AHR: variants seen among roughly 807,000 people sequenced by gnomAD.
The protein encoded by AHR is aryl hydrocarbon receptor, also known as AH-receptor.
A neutral mutation model predicts 86.8 loss-of-function variants in AHR; 40 were observed. The ratio of observed to expected loss-of-function variants is 0.46; its 90% confidence interval spans 0.36 to 0.60. AHR has a LOEUF of 0.60. AHR is among the 20% of genes least tolerant of loss of function. AHR has a pLI of 0.00. For missense variants in AHR, 1,001 were observed against 1,011.6 expected (o/e 0.99, Z 0.14); for synonymous variants, 398 against 354.9 (o/e 1.12, Z -1.37).
chr7:17,313,786 TTAAA>T (rs1470368246), intron 2 of AHR, among the ~76,000 whole-genome samples: 6 of 152,112 alleles, frequency 3.9e-5, no homozygotes, highest in Admixed American at 6.6e-5. Flanking sequence ...TTTTAAAAAT[TTAAA>T]TAACAATGGT....
In AHR at chr7:17,298,662, G is replaced by T. The variant is rs1481711946; in HGVS notation, c.-603G>T. The T allele has an allele frequency of 7.6e-6, 3 of 394,444 alleles. No homozygotes were observed. The highest frequency in any genetic ancestry group is 1.3e-5 in the Non-Finnish European group (3 of 223,970). 24.4% of individuals were successfully genotyped at this position (394,444 alleles called of 1,614,324 possible). A position where few individuals can be genotyped will look rare whatever the true frequency, so the allele number is the denominator to read the frequency against. ...GCGGCGGCGGGAGGCAGTGGCTGGG[G>T]AGTCCCGTCGACGCTCTGTTCCGAG... On this transcript the variant is annotated 5_prime_UTR_variant, in exon 1 of 11. Coordinates refer to ENST00000242057, the MANE Select transcript of AHR (RefSeq NM_001621.5).
rs139858921 is a variant in AHR at position 17,324,700 on chromosome 7, G to T, written c.360+2093G>T. Among the ~76,000 whole-genome samples, 121 of 152,008 alleles carry T rather than the reference G, an allele frequency of 8.0e-4. 2 individuals are homozygous for T. The East Asian group carries it at 0.022, about 27-fold the overall frequency. On this transcript the variant is annotated intron_variant, in intron 3 of 10. Transcript: ENST00000242057. The stretch of plus-strand genomic sequence containing the variant: ...GCCTGTAATCCTAGATACCCAGGAG[G>T]CTGAGGCCCGAGAATCGCTTGAAGC...
rs530047603 is a variant in AHR at position 17,298,768 on chromosome 7, C to G, written c.-497C>G. ...CTGGGAGCAGCCGGGACTGGTGGCCCGCGCCCGAGCTCCGCAGGCGGGAAG... is the reference window on the plus strand; with the variant it reads ...CTGGGAGCAGCCGGGACTGGTGGCCGGCGCCCGAGCTCCGCAGGCGGGAAG... On this transcript the variant is annotated 5_prime_UTR_variant, in exon 1 of 11. Coordinates refer to ENST00000242057, the MANE Select transcript of AHR (RefSeq NM_001621.5). The G allele has an allele frequency of 2.0e-5, 8 of 397,970 alleles. No homozygotes were observed. In the Middle Eastern group the frequency reaches 1.9e-3, roughly 94 times the overall value. The allele number at this position is 397,970 out of a possible 1,614,324, so 24.7% of individuals were successfully genotyped here.
At chr7:17,334,822 C>A (rs531329767) in intron 7 of AHR, 65 bp from the exon 8 acceptor site, 5 of 1,153,778 alleles carry the variant, frequency 4.3e-6, no homozygotes, top group East Asian at 2.4e-5. Flanking sequence ...ATGAATTTAT[C>A]TTGGTTATTT....
At chr7:17,299,999 G>T (rs1781938538) in intron 1 of AHR, among the ~76,000 whole-genome samples, 1 of 152,138 alleles carries the variant, frequency 6.6e-6, no homozygotes, top group African/African-American at 2.4e-5. Flanking sequence ...CATCTTTTTC[G>T]GAAGCTTGCT....
chr7:17,299,189 G>A lies in AHR; in HGVS notation c.-76G>A. The A allele has an allele frequency of 6.6e-7, 1 of 1,507,812 alleles. No homozygotes were observed. Among genetic ancestry groups the A allele is most frequent in the South Asian group, 1.2e-5 (1 of 81,246 alleles). 93.4% of individuals were successfully genotyped at this position (1,507,812 alleles called of 1,614,324 possible). On this transcript the variant is annotated 5_prime_UTR_variant, in exon 1 of 11. Coordinates refer to ENST00000242057, the MANE Select transcript of AHR (RefSeq NM_001621.5). ...GGAACCCGGCGCCGGCCGCCGCAGT[G>A]GTCCCAGCCTACACCGGGTTCCGGG...
At chr7:17,322,229 C>T (rs976336166) in intron 2 of AHR, among the ~76,000 whole-genome samples, 2 of 151,892 alleles carry the variant, frequency 1.3e-5, no homozygotes, top group East Asian at 1.9e-4. Context: ...AAAATTATAT[C>T]GTGAACTCAT....
At position 17,330,030 on chromosome 7, in the gene AHR, G is replaced by T; in HGVS notation, c.529G>T (p.Ala177Ser). 1 of 1,611,330 alleles carries T rather than the reference G, an allele frequency of 6.2e-7. No homozygotes were observed. The change falls in exon 5 of 11, where the codon GCA (alanine) becomes TCA (serine). Residue 177 changes from alanine to serine, a missense_variant. Coordinates refer to ENST00000242057, the MANE Select transcript of AHR (RefSeq NM_001621.5). ...RAEFQRQLHW[A>S]LNPSQCTESG... ...TGAATTTCAGCGTCAGCTACACTGG[G>T]CATTAAATCCTTCTCAGTGTACAGA...
intron 2 of AHR, among the ~76,000 whole-genome samples, chr7:17,321,095 A>C (rs565287441): frequency 6.6e-6 from 1 of 152,238 alleles, no homozygotes; most frequent in South Asian, 2.1e-4. Context: ...TCACATAAAA[A>C]TATAGTGAGA....
rs1326843078 is a variant in AHR, at chr7:17,344,980, A to G, written c.*1916A>G. ...AAGAGCTTAGACACATTTTGCATGT[A>G]TTATTTGAAAATCTGATGGAATCCC... On this transcript the variant is annotated 3_prime_UTR_variant, in exon 11 of 11. Transcript: ENST00000242057. 6.6e-6 allele frequency: 1 copy of G among 151,198 alleles called. No homozygotes were observed. Among genetic ancestry groups the G allele is most frequent in the East Asian group, 1.9e-4 (1 of 5,148 alleles). The allele number at this position is 151,198 out of a possible 1,614,324, so 9.4% of individuals were successfully genotyped here.
At chr7:17,320,517 G>A (rs543815138) in intron 2 of AHR, among the ~76,000 whole-genome samples, 3 of 152,070 alleles carry the variant, frequency 2.0e-5, no homozygotes, top group Admixed American at 6.6e-5. Flanking sequence ...GTTATTGTCC[G>A]TTTTTAGGCT....
chr7:17,303,589 G>A (rs1230677325), intron 1 of AHR, among the ~76,000 whole-genome samples: 2 of 151,676 alleles, frequency 1.3e-5, no homozygotes, highest in Non-Finnish European at 2.9e-5. Flanking sequence ...TTAAAACATT[G>A]TTTTTAAAGG....
intron 8 of AHR, among the ~76,000 whole-genome samples, chr7:17,335,419 T>C (rs1431069839): frequency 6.6e-6 from 1 of 152,152 alleles, no homozygotes; most frequent in East Asian, 1.9e-4. Flanking sequence ...CCTGTGTTAC[T>C]AGAATTGTTT....
At chr7:17,307,146 A>G (rs1222885325) in intron 1 of AHR, among the ~76,000 whole-genome samples, 4 of 152,168 alleles carry the variant, frequency 2.6e-5, no homozygotes, top group Non-Finnish European at 5.9e-5. Flanking sequence ...CAAGACAGGC[A>G]GCAGTACCAC....
At chr7:17,311,164 G>A (rs933117154) in intron 2 of AHR, among the ~76,000 whole-genome samples, 10 of 152,040 alleles carry the variant, frequency 6.6e-5, no homozygotes, top group Admixed American at 5.9e-4. Context: ...CTGTCTATAA[G>A]GCAGAAATAG....
Position 17,335,913 on chromosome 7 carries a change from A to C in AHR, c.1160+127A>C, listed in dbSNP as rs1782350227. On this transcript the variant is annotated intron_variant, in intron 9 of 10. Transcript: ENST00000242057. ...AAATTGAAAAGTTTAATTCATCTAG[A>C]AAGAAGAGCACAGGTGAGAGACATT... 4.2e-6 allele frequency: 4 copies of C among 958,308 alleles called. No homozygotes were observed. In the South Asian group the frequency reaches 6.5e-5, roughly 16 times the overall value. 59.4% of individuals were successfully genotyped at this position (958,308 alleles called of 1,614,324 possible).
intron 2 of AHR, among the ~76,000 whole-genome samples, chr7:17,320,505 C>T (rs559440138): frequency 5.3e-5 from 8 of 152,006 alleles, no homozygotes; most frequent in Admixed American, 1.3e-4. Context: ...AAGTCTGACA[C>T]TGTTATTGTC....
intron 3 of AHR, among the ~76,000 whole-genome samples, chr7:17,323,795 T>TC (rs1408977309): frequency 6.6e-6 from 1 of 152,162 alleles, no homozygotes; most frequent in Non-Finnish European, 1.5e-5. Flanking sequence ...GCATGAGTCC[T>TC]CCCCTAGCCC....
Position 17,300,739 on chromosome 7 carries a change from G to A in AHR, c.65+1410G>A, listed in dbSNP as rs1042925706. On this transcript the variant is annotated intron_variant, in intron 1 of 10. Transcript: ENST00000242057. Reference sequence around the variant, plus strand: ...AAGTATGTTTGTCTTATTTGACATTGTCATTGATGGTTAAAGTTGGGAGGC... The same window carrying A: ...AAGTATGTTTGTCTTATTTGACATTATCATTGATGGTTAAAGTTGGGAGGC... Among the ~76,000 whole-genome samples, 6 of 152,188 alleles carry A rather than the reference G, an allele frequency of 3.9e-5. No homozygotes were observed. In the East Asian group the frequency reaches 1.2e-3, roughly 29 times the overall value.
Sources: gnomAD v4.1 joint callset for allele counts (sites outside exome capture counted in the v4.1 genomes callset) on GRCh38, gnomAD v4.1.1 for gene constraint, MANE v1.5 for transcripts, NCBI Gene and HGNC (gene_info 2026-07-23, HGNC 2026-07-21) for gene names.